SNTG2: variants seen among roughly 807,000 people sequenced by gnomAD.
The protein encoded by SNTG2 is syntrophin gamma 2, also known as gamma-2-syntrophin.
SNTG2 carries 74 observed loss-of-function variants against 70.9 expected under a neutral mutation model. That is an observed-to-expected ratio of 1.04 (90% confidence interval 0.86 to 1.27). The LOEUF is 1.27. Ranked by LOEUF, SNTG2 falls within the 50% of genes most tolerant of loss-of-function variation. The pLI is 0.00. For missense variants in SNTG2, 717 were observed against 690.7 expected, an observed-to-expected ratio of 1.04 and a Z score of -0.43; for synonymous variants, 278 against 273.8, an observed-to-expected ratio of 1.02 and a Z score of -0.15.
intron 1 of SNTG2, among the ~76,000 whole-genome samples, chr2:1,069,447 G>A (rs755564258): frequency 4.0e-5 from 6 of 151,366 alleles, no homozygotes; most frequent in African/African-American, 7.3e-5. Context: ...AGCAATGCAC[G>A]TGGATTATGG....
chr2:1,120,836 T>G (rs1667331419), intron 4 of SNTG2, among the ~76,000 whole-genome samples: 1 of 152,078 alleles, frequency 6.6e-6, no homozygotes, highest in Admixed American at 6.6e-5. Flanking sequence ...CTTTCAACAA[T>G]AGATAGTTCA....
rs192266962 is a variant in SNTG2, at chr2:1,341,872, G to A, written c.1489-25471G>A. ...TTTTTTTTTTTTTTTTTGAGATAGG[G>A]TCTTACTCTGTTGCCCAGGCTAGAG... On this transcript the variant is annotated intron_variant, in intron 16 of 16. Transcript: ENST00000308624. Among the ~76,000 whole-genome samples, 132 of 148,634 alleles carry A rather than the reference G, an allele frequency of 8.9e-4. No individual in the cohort carries two copies. The East Asian group carries it at 0.025, about 28-fold the overall frequency.
intron 8 of SNTG2, among the ~76,000 whole-genome samples, chr2:1,191,084 A>G (rs1261365753): frequency 6.6e-6 from 1 of 152,214 alleles, no homozygotes; most frequent in Non-Finnish European, 1.5e-5. Context: ...GAAGCAAAGA[A>G]CAAGAAAGAA....
chr2:1,036,289 AT>A lies in SNTG2; in HGVS notation c.73-47221del, dbSNP rs896446701. ...TTCTATATTTGTCACATTTTTCTTT[AT>A]TTTTTTTCAAACATAGCAGGAATCA... On this transcript the variant is annotated intron_variant, in intron 1 of 16. Coordinates refer to ENST00000308624, the MANE Select transcript of SNTG2 (RefSeq NM_018968.4). Among the ~76,000 whole-genome samples, 25 of 151,092 alleles carry A rather than the reference AT, an allele frequency of 1.7e-4. 1 individual carries two copies. The highest frequency in any genetic ancestry group is 5.3e-4 in the African/African-American group (22 of 41,160).
chr2:1,263,810 C>T (rs950047415), intron 13 of SNTG2, among the ~76,000 whole-genome samples: 4 of 152,206 alleles, frequency 2.6e-5, no homozygotes, highest in Non-Finnish European at 5.9e-5. Context: ...GATTCCATTT[C>T]ACAGCTCAAA....
intron 14 of SNTG2, among the ~76,000 whole-genome samples, chr2:1,272,965 C>T (rs1362969007): frequency 6.6e-6 from 1 of 152,220 alleles, no homozygotes; most frequent in African/African-American, 2.4e-5. Context: ...CACGAGATCA[C>T]GTTTATGAAA....
chr2:1,197,515 A>ATGTGTGTGTGTGTG (rs71299845), intron 8 of SNTG2, among the ~76,000 whole-genome samples: 2 of 128,322 alleles, frequency 1.6e-5, no homozygotes, highest in East Asian at 2.8e-4. Flanking sequence ...ATGTATATAT[A>ATGTGTGTGTGTGTG]TGTGTGTGTG....
chr2:1,109,493 A>G (rs548496521), intron 4 of SNTG2, among the ~76,000 whole-genome samples: 107 of 152,286 alleles, frequency 7.0e-4, no homozygotes, highest in African/African-American at 2.5e-3. Context: ...CATAAAAAAC[A>G]TATGAAATGG....
chr2:1,238,633 G>C (rs948305348), intron 10 of SNTG2, among the ~76,000 whole-genome samples: 5 of 152,234 alleles, frequency 3.3e-5, no homozygotes, highest in African/African-American at 1.2e-4. Context: ...AGTGATGGGT[G>C]CCTGGACTCG....
chr2:1,302,905 T>C (rs1277722977), intron 14 of SNTG2, among the ~76,000 whole-genome samples: 1 of 152,066 alleles, frequency 6.6e-6, no homozygotes, highest in Admixed American at 6.6e-5. Context: ...AGTGGCGTTA[T>C]AGGATGATGA....
chr2:1,363,992 CAG>C (rs1202675437), intron 16 of SNTG2, among the ~76,000 whole-genome samples: 3 of 151,820 alleles, frequency 2.0e-5, no homozygotes, highest in African/African-American at 7.3e-5. Context: ...TTTTTTGAGA[CAG>C]AGTTTCACTC....
chr2:1,243,841 C>T (rs1423528131), intron 11 of SNTG2, among the ~76,000 whole-genome samples: 1 of 152,242 alleles, frequency 6.6e-6, no homozygotes, highest in Non-Finnish European at 1.5e-5. Flanking sequence ...GACTGGCCAA[C>T]ATGGTGAAAC....
At chr2:982,259 C>T (rs1391105923) in intron 1 of SNTG2, among the ~76,000 whole-genome samples, 2 of 152,182 alleles carry the variant, frequency 1.3e-5, no homozygotes, top group Non-Finnish European at 2.9e-5. Flanking sequence ...GTGTCCTTCA[C>T]AGTGTATACA....
intron 9 of SNTG2, among the ~76,000 whole-genome samples, chr2:1,231,321 G>C (rs1676230458): frequency 6.6e-6 from 1 of 152,172 alleles, no homozygotes; most frequent in Non-Finnish European, 1.5e-5. Context: ...TCTTCCATAG[G>C]GTCACTGCGG....
chr2:1,318,527 G>A, intron 16 of SNTG2, among the ~76,000 whole-genome samples: 1 of 152,224 alleles, frequency 6.6e-6, no homozygotes, highest in East Asian at 1.9e-4. Flanking sequence ...CTGGGGGAGA[G>A]CGATGAGGCA....
intron 14 of SNTG2, among the ~76,000 whole-genome samples, chr2:1,299,000 C>T (rs1248103209): frequency 6.6e-6 from 1 of 152,174 alleles, no homozygotes; most frequent in East Asian, 1.9e-4. Flanking sequence ...GCTCCTCAAG[C>T]TTGCAGATGG....
chr2:992,216 C>T (rs1661520779), intron 1 of SNTG2, among the ~76,000 whole-genome samples: 2 of 151,522 alleles, frequency 1.3e-5, no homozygotes, highest in African/African-American at 4.8e-5. Flanking sequence ...ATTCACAGAA[C>T]AGGAAGCAGA....
intron 1 of SNTG2, among the ~76,000 whole-genome samples, chr2:1,060,006 A>G (rs1163809034): frequency 6.6e-6 from 1 of 152,188 alleles, no homozygotes; most frequent in Non-Finnish European, 1.5e-5. Context: ...TTATATAAAG[A>G]GATGGAAAGA....
chr2:1,017,605 T>C (rs1034653665), intron 1 of SNTG2, among the ~76,000 whole-genome samples: 2 of 152,202 alleles, frequency 1.3e-5, no homozygotes, highest in African/African-American at 2.4e-5. Context: ...ATTTATGGTG[T>C]AGGTTAAAAT....
Sources: allele counts gnomAD v4.1 joint callset (sites outside exome capture counted in the v4.1 genomes callset), GRCh38; gene constraint gnomAD v4.1.1; transcripts MANE v1.5; gene names NCBI Gene and HGNC (gene_info 2026-07-23, HGNC 2026-07-21).